Variants in GLIS1 observed in about 807,000 individuals in gnomAD.
The protein encoded by GLIS1 is GLIS family zinc finger 1.
A neutral mutation model predicts 63.8 loss-of-function variants in GLIS1; 24 were observed. That is an observed-to-expected ratio of 0.38 (90% confidence interval 0.27 to 0.53). The LOEUF is 0.53. Among genes scored for constraint, GLIS1 ranks in the 20% least tolerant of loss-of-function variants. GLIS1 has a pLI of 0.85. For missense variants in GLIS1, 1,036 were observed against 1,074.1 expected (o/e 0.96, Z 0.50); for synonymous variants, 450 against 482.5 (o/e 0.93, Z 0.88).
intron 4 of GLIS1, 68 bp from the exon 5 acceptor site, chr1:53,530,020 C>A: frequency 6.7e-7 from 1 of 1,483,732 alleles, no homozygotes; most frequent in Non-Finnish European, 9.1e-7. Flanking sequence ...GGAAACTAAC[C>A]CCCCAGGCCT....
intron 4 of GLIS1, among the ~76,000 whole-genome samples, chr1:53,590,347 A>G (rs542692486): frequency 5.9e-5 from 9 of 152,276 alleles, no homozygotes; most frequent in African/African-American, 1.2e-4. Context: ...TCACCTCTGC[A>G]CATGCCTTCC....
rs1280138354 is a variant in GLIS1, at chr1:53,610,310, C to CTT, written c.260-10034_260-10033dup. On this transcript the variant is annotated intron_variant, in intron 2 of 10. Coordinates refer to ENST00000628545, the MANE Select transcript of GLIS1 (RefSeq NM_001367484.1). ...CCTTCATCCTGTTTCCATATGAGGT[C>CTT]TTTTTCCTTTTGCATTAAAAATTTT... 2.6e-5 allele frequency among the ~76,000 whole-genome samples: 4 copies of CTT among 152,134 alleles called. 1 individual carries two copies.
At chr1:53,621,622 A>G (rs1398720127) in intron 2 of GLIS1, among the ~76,000 whole-genome samples, 2 of 152,018 alleles carry the variant, frequency 1.3e-5, no homozygotes, top group Non-Finnish European at 2.9e-5. Flanking sequence ...ATTTATAAAG[A>G]TGACAACAAT....
intron 2 of GLIS1, among the ~76,000 whole-genome samples, chr1:53,682,590 C>T (rs57271821): frequency 0.011 from 1,711 of 152,370 alleles, 25 homozygotes; most frequent in African/African-American, 0.039. Context: ...AGAATACACC[C>T]ACGTTCCTGT....
chr1:53,666,445 G>A (rs575922210), intron 2 of GLIS1, among the ~76,000 whole-genome samples: 73 of 152,156 alleles, frequency 4.8e-4, no homozygotes, highest in Non-Finnish European at 9.7e-4. Flanking sequence ...TGCTTAGTCA[G>A]GGACCAGACC....
At chr1:53,653,765 G>T (rs1213093972) in intron 2 of GLIS1, among the ~76,000 whole-genome samples, 1 of 152,136 alleles carries the variant, frequency 6.6e-6, no homozygotes, top group Non-Finnish European at 1.5e-5. Context: ...AGGGGGTGTG[G>T]CCTGAGGTCA....
intron 2 of GLIS1, among the ~76,000 whole-genome samples, chr1:53,632,345 CAG>C (rs1645663693): frequency 8.1e-6 from 1 of 124,138 alleles, no homozygotes; most frequent in Admixed American, 8.4e-5. Context: ...GGGGGTGTAA[CAG>C]ATGGGTGTGT....
At chr1:53,736,696 T>C (rs1028796476) in intron 2 of GLIS1, among the ~76,000 whole-genome samples, 1 of 152,198 alleles carries the variant, frequency 6.6e-6, no homozygotes, top group Non-Finnish European at 1.5e-5. Flanking sequence ...AGTTCTCTCT[T>C]ACAAAGTCAA....
At chr1:53,650,575 G>C (rs1373254377) in intron 2 of GLIS1, among the ~76,000 whole-genome samples, 2 of 132,114 alleles carry the variant, frequency 1.5e-5, no homozygotes, top group Non-Finnish European at 3.2e-5. Context: ...GGGCAACAGA[G>C]TGAGACTTCA....
At position 53,600,130 on chromosome 1, in the gene GLIS1, C is replaced by G; in HGVS notation, c.408G>C (p.Glu136Asp). The G allele has an allele frequency of 8.1e-7, 1 of 1,231,890 alleles. No homozygotes were observed. Among genetic ancestry groups the G allele is most frequent in the Non-Finnish European group, 1.0e-6 (1 of 987,680 alleles). The allele number at this position is 1,231,890 out of a possible 1,614,324, so 76.3% of individuals were successfully genotyped here. A position where few individuals can be genotyped will look rare whatever the true frequency, so the allele number is the denominator to read the frequency against. Reference sequence around the variant, plus strand: ...CAGGGTGGGGGAAATGCAGCAGCCTCTCACAAGCTTGGGGGTGAGCCCGGG... The same window carrying G: ...CAGGGTGGGGGAAATGCAGCAGCCTGTCACAAGCTTGGGGGTGAGCCCGGG... Reference protein sequence around the residue: ...PPPRAHPQACERLLHFPHPDR... With the variant: ...PPPRAHPQACDRLLHFPHPDR... The change falls in exon 3 of 11, where the codon GAG (glutamate) becomes GAC (aspartate). Residue 136 changes from glutamate (E) to aspartate (D), a missense_variant. Physicochemically the swap from Glu to Asp is conservative, Grantham distance 45. Around this residue, in one of 3 missense-constraint regions of GLIS1, gnomAD observed 592 missense variants for 593.9 expected, o/e 1.00. Coordinates refer to ENST00000628545, the MANE Select transcript of GLIS1 (RefSeq NM_001367484.1).
chr1:53,674,776 C>T (rs1646194275), intron 2 of GLIS1, among the ~76,000 whole-genome samples: 1 of 152,140 alleles, frequency 6.6e-6, no homozygotes. Flanking sequence ...AAGTCATTCA[C>T]ATAAGGGATG....
chr1:53,632,565 G>C (rs1170569455), intron 2 of GLIS1, among the ~76,000 whole-genome samples: 1 of 150,064 alleles, frequency 6.7e-6, no homozygotes, highest in African/African-American at 2.5e-5. Context: ...GAATGAGTGT[G>C]ACTGAGGGGC....
intron 2 of GLIS1, among the ~76,000 whole-genome samples, chr1:53,624,615 A>T (rs1243573701): frequency 6.6e-6 from 1 of 151,208 alleles, no homozygotes; most frequent in Non-Finnish European, 1.5e-5. Context: ...ATCCTAGCTC[A>T]CTGCAGCCTT....
intron 4 of GLIS1, among the ~76,000 whole-genome samples, chr1:53,561,321 T>A (rs1644890172): frequency 2.6e-5 from 4 of 152,198 alleles, no homozygotes; most frequent in Admixed American, 2.6e-4. Context: ...TATAATTTCA[T>A]CATAGCCCAG....
intron 4 of GLIS1, among the ~76,000 whole-genome samples, chr1:53,558,208 G>A (rs978076997): frequency 2.0e-5 from 3 of 152,244 alleles, no homozygotes; most frequent in South Asian, 2.1e-4. Flanking sequence ...GCCACAGAGG[G>A]ACACAAAGGG....
chr1:53,670,568 C>T (rs192806175), intron 2 of GLIS1, among the ~76,000 whole-genome samples: 1 of 152,302 alleles, frequency 6.6e-6, no homozygotes, highest in Admixed American at 6.5e-5. Context: ...TCCATCCAAC[C>T]CCTAACACAC....
At chr1:53,518,160 G>T (rs1644371392) in intron 7 of GLIS1, among the ~76,000 whole-genome samples, 1 of 152,142 alleles carries the variant, frequency 6.6e-6, no homozygotes, top group Non-Finnish European at 1.5e-5. Context: ...CACCTGCCTG[G>T]TCCTGCCCTC....
chr1:53,677,381 G>A (rs1346637212), intron 2 of GLIS1, among the ~76,000 whole-genome samples: 2 of 152,162 alleles, frequency 1.3e-5, no homozygotes, highest in East Asian at 3.9e-4. Context: ...TGGGGATGGC[G>A]CGGGGGCAGG....
At chr1:53,599,027 C>T (rs952008785) in intron 3 of GLIS1, among the ~76,000 whole-genome samples, 3 of 152,132 alleles carry the variant, frequency 2.0e-5, no homozygotes, top group Admixed American at 2.0e-4. Flanking sequence ...GGCAACTGGG[C>T]AAATGTTTAG....
Sources: allele counts gnomAD v4.1 joint callset (sites outside exome capture counted in the v4.1 genomes callset), GRCh38; gene constraint gnomAD v4.1.1; regional missense constraint gnomAD v4.1.1; transcripts MANE v1.5; gene names NCBI Gene and HGNC (gene_info 2026-07-23, HGNC 2026-07-21).